Variants in HSF5 observed in about 807,000 individuals in gnomAD.
The protein encoded by HSF5 is heat shock transcription factor 5.
HSF5 carries 5 observed loss-of-function variants against 50.8 expected under a neutral mutation model. That is an observed-to-expected ratio of 0.10 (90% CI 0.05 to 0.21). HSF5 has a LOEUF of 0.21. Among genes scored for constraint, HSF5 ranks in the 10% least tolerant of loss-of-function variants. HSF5 has a pLI of 1.00. For synonymous variants in HSF5, 307 were observed against 307.4 expected (o/e 1.00, Z 0.02); for missense variants, 564 against 762.6 (o/e 0.74, Z 3.07).
intron 5 of HSF5, among the ~76,000 whole-genome samples, chr17:58,453,242 A>G (rs1258273041): frequency 6.6e-6 from 1 of 152,204 alleles, no homozygotes; most frequent in East Asian, 1.9e-4. Flanking sequence ...ACAACAAAAA[A>G]AGAAAACTAC....
At chr17:58,461,631 G>T (rs1598194240) in intron 4 of HSF5, among the ~76,000 whole-genome samples, 1 of 152,202 alleles carries the variant, frequency 6.6e-6, no homozygotes. Flanking sequence ...CAGCACTGTG[G>T]GAGGCCAAGG....
chr17:58,462,603 T>G (rs976766693), intron 4 of HSF5, among the ~76,000 whole-genome samples, 179 bp downstream of exon 4: 1 of 152,202 alleles, frequency 6.6e-6, no homozygotes, highest in Non-Finnish European at 1.5e-5. Flanking sequence ...GCTTAAGGGT[T>G]AAGGTAACTT....
chr17:58,466,441 T>C (rs1974867674), intron 3 of HSF5, among the ~76,000 whole-genome samples: 1 of 152,204 alleles, frequency 6.6e-6, no homozygotes, highest in Admixed American at 6.5e-5. Context: ...TCAGCAATGA[T>C]GGGAATGTTC....
At chr17:58,473,880 T>G (rs1974978657) in intron 2 of HSF5, among the ~76,000 whole-genome samples, 1 of 152,172 alleles carries the variant, frequency 6.6e-6, no homozygotes, top group African/African-American at 2.4e-5. Context: ...TTTTTTTTTT[T>G]TGAGACAAGG....
chr17:58,460,476 TATACACACACACACAC>T (rs1250640684), intron 4 of HSF5, among the ~76,000 whole-genome samples: 2 of 114,742 alleles, frequency 1.7e-5, no homozygotes, highest in Non-Finnish European at 3.6e-5. Context: ...TATACATATA[TATACACACACACACAC>T]ACACACACAC....
chr17:58,423,130 G>A (rs1974248321), intron 5 of HSF5, among the ~76,000 whole-genome samples: 1 of 152,174 alleles, frequency 6.6e-6, no homozygotes, highest in Non-Finnish European at 1.5e-5. Flanking sequence ...AACATGAAAA[G>A]GCAATGCCTT....
chr17:58,480,364 G>T, intron 1 of HSF5, 97 bp from the exon 2 acceptor site: 1 of 1,224,964 alleles, frequency 8.2e-7, no homozygotes, highest in Non-Finnish European at 1.1e-6. Flanking sequence ...TCACCTATCA[G>T]CCATTTTTAA....
chr17:58,426,798 G>C (rs1431198099), intron 5 of HSF5, among the ~76,000 whole-genome samples: 1 of 152,072 alleles, frequency 6.6e-6, no homozygotes, highest in Non-Finnish European at 1.5e-5. Context: ...TTACCTCTTG[G>C]TATTTTTTAT....
At chr17:58,484,413 AAATAC>A (rs1189766072) in intron 1 of HSF5, among the ~76,000 whole-genome samples, 1 of 152,220 alleles carries the variant, frequency 6.6e-6, no homozygotes, top group Non-Finnish European at 1.5e-5. Context: ...TCTATCCTTA[AAATAC>A]AACTGAGTTT....
At chr17:58,456,099 G>A (rs1448098314) in intron 5 of HSF5, among the ~76,000 whole-genome samples, 3 of 147,864 alleles carry the variant, frequency 2.0e-5, no homozygotes, top group Non-Finnish European at 3.0e-5. Context: ...ATCTACAGAT[G>A]AATAAAGAAA....
intron 2 of HSF5, among the ~76,000 whole-genome samples, chr17:58,475,521 A>T (rs1327131856): frequency 6.6e-6 from 1 of 152,234 alleles, no homozygotes; most frequent in Non-Finnish European, 1.5e-5. Context: ...TATTTTAAAA[A>T]GTGTCAAATT....
Position 58,488,267 on chromosome 17 carries a change from G to T in HSF5, c.8C>A (p.Ala3Glu), listed in dbSNP as rs200641290. The change falls in exon 1 of 6, where the codon GCG (alanine) becomes GAG (glutamate). Residue 3 changes from alanine (A) to glutamate (E), a missense_variant. Coordinates refer to ENST00000323777, the MANE Select transcript of HSF5 (RefSeq NM_001080439.3). This position sits in a 1 kb window ranked among gnomAD's most constrained non-coding sequence, Gnocchi z 4.1. ME[A>E]LLSTPINPNN... ...GGGGTTGATGGGGGTGGAGAGCAGC[G>T]CCTCCATCGCCCCGCCGGGCCGGGG... 6.0e-5 allele frequency: 88 copies of T among 1,473,820 alleles called. 1 individual carries two copies. The Admixed American group carries it at 8.3e-4, about 14-fold the overall frequency. The allele number at this position is 1,473,820 out of a possible 1,614,324, so 91.3% of individuals were successfully genotyped here. A position where few individuals can be genotyped will look rare whatever the true frequency, so the allele number is the denominator to read the frequency against.
chr17:58,469,459 A>G (rs1457885364), intron 2 of HSF5, among the ~76,000 whole-genome samples: 1 of 152,240 alleles, frequency 6.6e-6, no homozygotes, highest in Non-Finnish European at 1.5e-5. Context: ...TAACAAATGG[A>G]AAGTAAAACA....
chr17:58,466,604 G>A (rs1219861951), intron 3 of HSF5, among the ~76,000 whole-genome samples: 1 of 152,130 alleles, frequency 6.6e-6, no homozygotes, highest in Non-Finnish European at 1.5e-5. Context: ...AATGTGACTA[G>A]TATAACTGAG....
At chr17:58,476,340 C>T (rs540834780) in intron 2 of HSF5, 4 of 1,107,134 alleles carry the variant, frequency 3.6e-6, no homozygotes, top group Non-Finnish European at 4.1e-6. Context: ...CCTCTCCTAA[C>T]TCATCAGTAC....
intron 5 of HSF5, among the ~76,000 whole-genome samples, chr17:58,450,946 G>A (rs561753758): frequency 6.6e-6 from 1 of 151,440 alleles, no homozygotes; most frequent in Non-Finnish European, 1.5e-5. Context: ...AAAATTAGCC[G>A]GGCATGGTGG....
chr17:58,449,450 A>G (rs1234334387), intron 5 of HSF5, among the ~76,000 whole-genome samples: 1 of 152,236 alleles, frequency 6.6e-6, no homozygotes, highest in Non-Finnish European at 1.5e-5. Context: ...CTGTAATCCC[A>G]ACACTTCTGG....
chr17:58,439,916 T>C (rs1974477540), intron 5 of HSF5, among the ~76,000 whole-genome samples: 2 of 150,706 alleles, frequency 1.3e-5, no homozygotes, highest in Admixed American at 1.3e-4. Context: ...GAGAAGTTCA[T>C]CTCAGCATAT....
chr17:58,475,678 G>GT (rs1156650120), intron 2 of HSF5, among the ~76,000 whole-genome samples: 3 of 152,144 alleles, frequency 2.0e-5, no homozygotes, highest in South Asian at 2.1e-4. Context: ...GTTTTGTTTT[G>GT]TTTTTTAACA....
Sources: gnomAD v4.1 joint callset for allele counts (sites outside exome capture counted in the v4.1 genomes callset) on GRCh38, gnomAD v4.1.1 for gene constraint, Gnocchi (gnomAD v3.1) non-coding constraint, MANE v1.5 for transcripts, NCBI Gene and HGNC (gene_info 2026-07-23, HGNC 2026-07-21) for gene names.